Variants in RGS6 observed in about 807,000 individuals in gnomAD.
The protein encoded by RGS6 is regulator of G protein signaling 6.
RGS6 carries 30 observed loss-of-function variants against 78.5 expected under a neutral mutation model. The ratio of observed to expected loss-of-function variants is 0.38; its 90% CI spans 0.29 to 0.52. The LOEUF (loss-of-function observed/expected upper bound fraction) is 0.52. Among genes scored for constraint, RGS6 ranks in the 20% least tolerant of loss-of-function variants. RGS6 has a pLI of 0.85. For missense variants in RGS6, 495 were observed against 609.7 expected (o/e 0.81, Z 1.98); for synonymous variants, 206 against 206.0 (o/e 1.00, Z 0.00).
intron 2 of RGS6, among the ~76,000 whole-genome samples, chr14:72,186,306 G>A (rs779182055): frequency 1.3e-5 from 2 of 152,186 alleles, no homozygotes; most frequent in African/African-American, 2.4e-5. Context: ...GGGCATTAAC[G>A]CAGATGGAAT....
intron 13 of RGS6, among the ~76,000 whole-genome samples, chr14:72,509,058 G>A (rs1460514196): frequency 1.3e-5 from 2 of 152,132 alleles, no homozygotes; most frequent in Non-Finnish European, 2.9e-5. Context: ...GATGAGCTAT[G>A]CAGCATGGCA....
At chr14:72,151,560 G>T (rs1237493203) in intron 2 of RGS6, among the ~76,000 whole-genome samples, 1 of 152,160 alleles carries the variant, frequency 6.6e-6, no homozygotes, top group East Asian at 1.9e-4. Flanking sequence ...AGTCTGAGGG[G>T]AGTGGCCACG....
chr14:72,036,519 A>T (rs945269682), intron 2 of RGS6, among the ~76,000 whole-genome samples: 1 of 152,120 alleles, frequency 6.6e-6, no homozygotes, highest in Non-Finnish European at 1.5e-5. Context: ...AGCCATTCTA[A>T]TATGTGTATA....
intron 2 of RGS6, among the ~76,000 whole-genome samples, chr14:72,019,265 C>G (rs1009586900): frequency 2.6e-5 from 4 of 152,140 alleles, no homozygotes; most frequent in Admixed American, 6.5e-5. Flanking sequence ...CAGTGGGTGT[C>G]AAGTGTACCT....
At chr14:71,962,315 G>A (rs2093259648) in intron 1 of RGS6, among the ~76,000 whole-genome samples, 1 of 151,972 alleles carries the variant, frequency 6.6e-6, no homozygotes, top group South Asian at 2.1e-4. Flanking sequence ...CGGGCAGAGG[G>A]AGGCCTGACA....
chr14:72,334,584 A>T (rs182354227), intron 2 of RGS6, among the ~76,000 whole-genome samples: 1 of 152,330 alleles, frequency 6.6e-6, no homozygotes, highest in Non-Finnish European at 1.5e-5. Flanking sequence ...CAGGGAGATG[A>T]GGGATGTCCG....
intron 2 of RGS6, among the ~76,000 whole-genome samples, chr14:72,021,168 C>G (rs1352650118): frequency 1.3e-5 from 2 of 152,138 alleles, no homozygotes; most frequent in Non-Finnish European, 2.9e-5. Flanking sequence ...TTCTAATGGC[C>G]AGACGTCTTT....
At chr14:72,610,117 G>T in the RGS6 span, among the ~76,000 whole-genome samples, 1 of 152,360 alleles carries the variant, frequency 6.6e-6, no homozygotes, top group East Asian at 1.9e-4. Context: ...GGGATAAAAT[G>T]TTGCAGTGGC....
At chr14:72,241,155 C>CAAAAAAAA (rs55988416) in intron 2 of RGS6, among the ~76,000 whole-genome samples, 1 of 102,140 alleles carries the variant, frequency 9.8e-6, no homozygotes. Flanking sequence ...GACTCTGTCT[C>CAAAAAAAA]AAAAAAAAAA....
At chr14:72,164,206 C>T (rs1350000318) in intron 2 of RGS6, among the ~76,000 whole-genome samples, 1 of 152,138 alleles carries the variant, frequency 6.6e-6, no homozygotes, top group Non-Finnish European at 1.5e-5. Context: ...AAGGGATTTT[C>T]TTATGACACT....
rs535533020 is a variant in RGS6 at position 72,006,389 on chromosome 14, C to T, written c.84+41514C>T. The stretch of plus-strand genomic sequence containing the variant: ...CCTGACAAATAGATGATGACAGACG[C>T]GACCATATGTCACTTCCAAGATTAG... On this transcript the variant is annotated intron_variant, in intron 2 of 17. Coordinates refer to ENST00000553525, the MANE Select transcript of RGS6 (RefSeq NM_001204424.2). 5.3e-5 allele frequency among the ~76,000 whole-genome samples: 8 copies of T among 152,316 alleles called. No individual in the cohort carries two copies. The South Asian group carries it at 6.2e-4, about 12-fold the overall frequency.
intron 10 of RGS6, 36 bp from the exon 11 acceptor site, chr14:72,476,706 G>A: frequency 6.3e-7 from 1 of 1,588,842 alleles, no homozygotes; most frequent in Non-Finnish European, 8.6e-7. Context: ...CCAATTCTGT[G>A]GGTGGATGAT....
intron 14 of RGS6, among the ~76,000 whole-genome samples, chr14:72,510,558 A>G (rs2096866407): frequency 6.6e-6 from 1 of 152,232 alleles, no homozygotes; most frequent in African/African-American, 2.4e-5. Context: ...AGTCAAACGG[A>G]TTTGACAACA....
At chr14:71,975,968 C>G (rs1488268023) in intron 2 of RGS6, among the ~76,000 whole-genome samples, 1 of 152,090 alleles carries the variant, frequency 6.6e-6, no homozygotes, top group Non-Finnish European at 1.5e-5. Flanking sequence ...TTCACTAATT[C>G]TCTCTTCAAT....
intron 2 of RGS6, among the ~76,000 whole-genome samples, chr14:71,991,879 CTGTTA>C (rs2094967507): frequency 6.6e-6 from 1 of 152,168 alleles, no homozygotes; most frequent in Non-Finnish European, 1.5e-5. Flanking sequence ...ATCAACTCTG[CTGTTA>C]TAAGTGCAGA....
chr14:72,384,729 AC>A (rs2087321329), intron 3 of RGS6, among the ~76,000 whole-genome samples: 1 of 152,010 alleles, frequency 6.6e-6, no homozygotes, highest in South Asian at 2.1e-4. Context: ...CTGAGGGGAC[AC>A]GGTTTGCATA....
chr14:72,159,912 G>A (rs2096829062), intron 2 of RGS6, among the ~76,000 whole-genome samples: 4 of 152,198 alleles, frequency 2.6e-5, no homozygotes, highest in Admixed American at 1.3e-4. Flanking sequence ...GCAAATATCT[G>A]TAAGGTTGAC....
At chr14:72,169,430 G>A (rs2096978441) in intron 2 of RGS6, among the ~76,000 whole-genome samples, 1 of 152,178 alleles carries the variant, frequency 6.6e-6, no homozygotes, top group Non-Finnish European at 1.5e-5. Context: ...TGGATAGTAT[G>A]TTGCTGTATG....
chr14:72,236,007 A>G (rs2050915673), intron 2 of RGS6, among the ~76,000 whole-genome samples: 1 of 152,278 alleles, frequency 6.6e-6, no homozygotes, highest in African/African-American at 2.4e-5. Context: ...AGCAAGCAAG[A>G]TTTGTAGACA....
Sources: gnomAD v4.1 joint callset for allele counts (sites outside exome capture counted in the v4.1 genomes callset) on GRCh38, gnomAD v4.1.1 for gene constraint, MANE v1.5 for transcripts, NCBI Gene and HGNC (gene_info 2026-07-23, HGNC 2026-07-21) for gene names.